DOCK8: variants seen among roughly 807,000 people sequenced by gnomAD.
DOCK8 encodes dedicator of cytokinesis 8, also known as dedicator of cytokinesis protein 8.
A neutral mutation model predicts 245.6 loss-of-function variants in DOCK8; 141 were observed. The ratio of observed to expected loss-of-function variants is 0.57; its 90% CI spans 0.50 to 0.66. The LOEUF (loss-of-function observed/expected upper bound fraction) is 0.66. DOCK8 is among the 30% of genes least tolerant of loss of function. The pLI, the probability that DOCK8 is intolerant of heterozygous loss-of-function variation, is 0.00. For synonymous variants in DOCK8, 1,168 were observed against 970.2 expected, an observed-to-expected ratio of 1.20 and a Z score of -3.79; for missense variants, 2,965 against 2,603.4, an observed-to-expected ratio of 1.14 and a Z score of -3.02.
At chr9:285,528 G>C (rs1015210755) in intron 2 of DOCK8, among the ~76,000 whole-genome samples, 3 of 152,144 alleles carry the variant, frequency 2.0e-5, no homozygotes, top group African/African-American at 7.2e-5. Context: ...ACACTTCATA[G>C]AGCTGCTATT....
chr9:266,999 A>G (rs7860253), intron 1 of DOCK8, among the ~76,000 whole-genome samples: 43,226 of 152,032 alleles, frequency 0.28, 6,428 homozygotes, highest in East Asian at 0.4. Context: ...TGCTTTGGCT[A>G]TGTTCCTTTT....
rs566715862 is a variant in DOCK8, at chr9:323,044, G to A, written c.828-2627G>A. On this transcript the variant is annotated intron_variant, in intron 7 of 47. Transcript: ENST00000432829. ...GGTGGCGGAGGTTGCAGTGAGCCGA[G>A]GTTGCACCATTGCACTCCACCCTGG... Among the ~76,000 whole-genome samples, 49 of 150,610 alleles carry A rather than the reference G, an allele frequency of 3.3e-4. 1 individual carries two copies. Among genetic ancestry groups the A allele is most frequent in the African/African-American group, 1.2e-3 (49 of 40,898 alleles).
chr9:342,795 A>G (rs1360982074), intron 14 of DOCK8, among the ~76,000 whole-genome samples: 1 of 152,078 alleles, frequency 6.6e-6, no homozygotes, highest in African/African-American at 2.4e-5. Context: ...GCTGTTTAGT[A>G]TTCCTTTGTG....
intron 1 of DOCK8, among the ~76,000 whole-genome samples, chr9:235,926 G>T (rs1247881728): frequency 6.6e-6 from 1 of 152,156 alleles, no homozygotes; most frequent in Non-Finnish European, 1.5e-5. Context: ...CTACTGTCTG[G>T]CACTCCCCAG....
intron 3 of DOCK8, among the ~76,000 whole-genome samples, chr9:288,857 A>G (rs2048930271): frequency 6.6e-6 from 1 of 152,232 alleles, no homozygotes; most frequent in Admixed American, 6.5e-5. Context: ...AGATGAGAAA[A>G]TTAAGGCTTG....
chr9:275,274 A>G (rs2048298964), intron 2 of DOCK8, among the ~76,000 whole-genome samples: 1 of 152,216 alleles, frequency 6.6e-6, no homozygotes, highest in African/African-American at 2.4e-5. Context: ...ATAAAAGGTG[A>G]CTTCAGCTCT....
At chr9:369,904 C>A in intron 15 of DOCK8, 1 of 350,888 alleles carries the variant, frequency 2.8e-6, no homozygotes, top group African/African-American at 2.1e-5. Flanking sequence ...TAGGCTCAAG[C>A]GATCCTCTTG....
At chr9:257,667 G>A (rs1306575755) in intron 1 of DOCK8, among the ~76,000 whole-genome samples, 1 of 152,136 alleles carries the variant, frequency 6.6e-6, no homozygotes, top group Admixed American at 6.5e-5. Context: ...TTACAGGCAT[G>A]TGCCACCAGC....
chr9:239,007 A>G (rs1282959094), intron 1 of DOCK8, among the ~76,000 whole-genome samples: 1 of 152,172 alleles, frequency 6.6e-6, no homozygotes. Context: ...CATGTTTGGG[A>G]TGTCAAGGAA....
Position 325,671 on chromosome 9 carries a change from G to C in DOCK8, c.828G>C (p.Lys276Asn). The C allele has an allele frequency of 3.1e-6, 5 of 1,613,700 alleles. No individual in the cohort carries two copies. The highest frequency in any genetic ancestry group is 4.2e-6 in the Non-Finnish European group (5 of 1,179,702). ...AGATTTTCCTCTCTTTCTATGGTAGGTTCGAGATTGAAATTGAGCCCCTGT... is the reference window on the plus strand; with the variant it reads ...AGATTTTCCTCTCTTTCTATGGTAGCTTCGAGATTGAAATTGAGCCCCTGT... ...NRILVKLLTLKFEIEIEPLFA... is the reference protein window; with the variant it reads ...NRILVKLLTLNFEIEIEPLFA... The change falls in exon 8 of 48, where the codon AAG becomes AAC. Residue 276 changes from lysine to asparagine, a missense_variant and splice_region_variant. Around this residue, in one of 3 missense-constraint regions of DOCK8, gnomAD observed 2,825 missense variants for 2,453.5 expected, o/e 1.15. Coordinates refer to ENST00000432829, the MANE Select transcript of DOCK8 (RefSeq NM_203447.4).
intron 40 of DOCK8, among the ~76,000 whole-genome samples, chr9:439,810 A>G (rs1208296053): frequency 6.6e-6 from 1 of 152,118 alleles, no homozygotes; most frequent in Non-Finnish European, 1.5e-5. Context: ...GAGGAGGAAT[A>G]CACAGACAGT....
intron 1 of DOCK8, among the ~76,000 whole-genome samples, chr9:246,565 C>G (rs1330848190): frequency 6.6e-6 from 1 of 151,934 alleles, no homozygotes; most frequent in Non-Finnish European, 1.5e-5. Context: ...CATTTTTTGT[C>G]TGACAGAGAC....
chr9:329,006 G>A (rs1486780924), intron 9 of DOCK8, among the ~76,000 whole-genome samples: 1 of 131,970 alleles, frequency 7.6e-6, no homozygotes, highest in East Asian at 2.2e-4. Context: ...CTGGAGTGCA[G>A]TGTCACCATG....
At chr9:216,537 C>CAAAAAAAAAAAA (rs59529982) in intron 1 of DOCK8, among the ~76,000 whole-genome samples, 476 of 88,602 alleles carry the variant, frequency 5.4e-3, no homozygotes, top group East Asian at 8.2e-3. Context: ...AAAAAACAGA[C>CAAAAAAAAAAAA]AAAAAAAAAA....
intron 4 of DOCK8, among the ~76,000 whole-genome samples, chr9:294,611 C>G (rs2049177531): frequency 1.3e-5 from 2 of 152,320 alleles, no homozygotes; most frequent in East Asian, 1.9e-4. Flanking sequence ...AAGTCCCACT[C>G]TTGAGTATTT....
chr9:461,251 G>A (rs1157416147), intron 46 of DOCK8, among the ~76,000 whole-genome samples: 1 of 152,040 alleles, frequency 6.6e-6, no homozygotes, highest in Non-Finnish European at 1.5e-5. Context: ...TTCATTAGAG[G>A]ATTTATATCT....
intron 14 of DOCK8, among the ~76,000 whole-genome samples, chr9:348,731 T>C (rs767587408): frequency 2.0e-5 from 3 of 152,240 alleles, no homozygotes; most frequent in Non-Finnish European, 4.4e-5. Flanking sequence ...TACAAATTAT[T>C]ATTTAAAATC....
At chr9:276,652 TG>T (rs2048359089) in intron 2 of DOCK8, among the ~76,000 whole-genome samples, 1 of 152,206 alleles carries the variant, frequency 6.6e-6, no homozygotes, top group South Asian at 2.1e-4. Context: ...TAACCCTGTG[TG>T]TAGACTCACT....
chr9:312,166 G>T lies in DOCK8; in HGVS notation c.741G>T (p.Glu247Asp). The change falls in exon 6 of 48, where the codon GAG (glutamate) becomes GAT (aspartate). Residue 247 changes from glutamate (E) to aspartate (D), a missense_variant and splice_region_variant. By Grantham distance (45) the Glu-to-Asp change is conservative (BLOSUM62 2). This residue lies in a region of DOCK8 where 2,825 missense variants were observed against 2,453.5 expected (regional missense o/e 1.15). Coordinates refer to ENST00000432829, the MANE Select transcript of DOCK8 (RefSeq NM_203447.4). ...ELFALYPSVD[E>D]EDAVEIRPVP... ...TTGCCCTTTACCCATCAGTGGACGAGGTGGGTGCCACTGTTTCCATACTGG... is the reference window on the plus strand; with the variant it reads ...TTGCCCTTTACCCATCAGTGGACGATGTGGGTGCCACTGTTTCCATACTGG... The T allele has an allele frequency of 6.2e-7, 1 of 1,614,106 alleles. No homozygotes were observed. The highest frequency in any genetic ancestry group is 8.5e-7 in the Non-Finnish European group (1 of 1,179,974).
Sources: gnomAD v4.1 joint callset for allele counts (sites outside exome capture counted in the v4.1 genomes callset) on GRCh38, gnomAD v4.1.1 for gene constraint, gnomAD v4.1.1 regional missense constraint, MANE v1.5 for transcripts, NCBI Gene and HGNC (gene_info 2026-07-23, HGNC 2026-07-21) for gene names.